INTS8: variants seen among roughly 807,000 people sequenced by gnomAD.
The protein encoded by INTS8 is protein kaonashi-1.
In INTS8, 47 loss-of-function variants were observed where a neutral mutation model predicts 138.9. The ratio of observed to expected loss-of-function variants is 0.34; its 90% CI spans 0.27 to 0.43. The LOEUF (loss-of-function observed/expected upper bound fraction) is 0.43. Ranked by LOEUF, INTS8 falls within the 20% of genes least tolerant of loss-of-function variation. INTS8 has a pLI of 1.00. For missense variants in INTS8, 996 were observed against 1,173.0 expected, an observed-to-expected ratio of 0.85 and a Z score of 2.20; for synonymous variants, 392 against 400.9, an observed-to-expected ratio of 0.98 and a Z score of 0.27.
At chr8:94,829,157 C>G (rs373244816) in intron 5 of INTS8, 131 bp downstream of exon 5, 13 of 649,038 alleles carry the variant, frequency 2.0e-5, no homozygotes, top group East Asian at 2.9e-5. Flanking sequence ...GTGTGGGGGG[C>G]GGGGGGCGAG....
At position 94,880,786 on chromosome 8, in the gene INTS8, A is replaced by G. The variant is rs552361596; in HGVS notation, c.*552A>G. ...AATTAAAAAAAAAAATTCCTTAGGG[A>G]TATCTTAGAGTAGTAAAGTGACTTC... On this transcript the variant is annotated 3_prime_UTR_variant, in exon 27 of 27. Coordinates refer to ENST00000523731, the MANE Select transcript of INTS8 (RefSeq NM_017864.4). 1.0e-5 allele frequency: 4 copies of G among 398,486 alleles called. No homozygotes were observed. In the South Asian group the frequency reaches 5.1e-4, roughly 51 times the overall value. 24.7% of individuals were successfully genotyped at this position (398,486 alleles called of 1,614,324 possible). A position where few individuals can be genotyped will look rare whatever the true frequency, so the allele number is the denominator to read the frequency against.
At chr8:94,862,798 T>G (rs1196138612) in intron 16 of INTS8, among the ~76,000 whole-genome samples, 1 of 152,102 alleles carries the variant, frequency 6.6e-6, no homozygotes, top group Non-Finnish European at 1.5e-5. Context: ...GATTGTGTTT[T>G]GAAAAAAATA....
chr8:94,838,353 C>T, intron 7 of INTS8, 110 bp from the exon 8 acceptor site: 1 of 904,012 alleles, frequency 1.1e-6, no homozygotes. Context: ...CCCAGCCCGG[C>T]TTGAATTTTT....
chr8:94,845,870 A>G (rs1310494218), intron 10 of INTS8, among the ~76,000 whole-genome samples: 1 of 152,172 alleles, frequency 6.6e-6, no homozygotes, highest in Non-Finnish European at 1.5e-5. Flanking sequence ...TTAGAAAGAA[A>G]TTATGTCTCT....
chr8:94,844,683 A>G (rs17359493), intron 10 of INTS8, among the ~76,000 whole-genome samples: 28,381 of 151,072 alleles, frequency 0.19, 2,793 homozygotes, highest in Middle Eastern at 0.28. Flanking sequence ...TAGGAGATCT[A>G]TATATATTCT....
chr8:94,845,589 A>T lies in INTS8; in HGVS notation c.1260+3101A>T, dbSNP rs534398278. On this transcript the variant is annotated intron_variant, in intron 10 of 26. Transcript: ENST00000523731. ...GTGACTCTTCTGTGTCAGCCTCCTG[A>T]GTAGCTGGGACTACAGGCACGCGCC... Among the ~76,000 whole-genome samples, 12 of 152,250 alleles carry T rather than the reference A, an allele frequency of 7.9e-5. No individual in the cohort carries two copies. In the South Asian group the frequency reaches 1.2e-3, roughly 16 times the overall value.
rs1440685725 is a variant in INTS8 at position 94,854,022 on chromosome 8, C to G, written c.1752+107C>G. The G allele has an allele frequency of 6.3e-6, 4 of 634,152 alleles. No homozygotes were observed. In the East Asian group the frequency reaches 1.1e-4, roughly 18 times the overall value. 39.3% of individuals were successfully genotyped at this position (634,152 alleles called of 1,614,324 possible). A position where few individuals can be genotyped will look rare whatever the true frequency, so the allele number is the denominator to read the frequency against. On this transcript the variant is annotated intron_variant, in intron 14 of 26. Coordinates refer to ENST00000523731, the MANE Select transcript of INTS8 (RefSeq NM_017864.4). Reference sequence around the variant, plus strand: ...CTTTGGGAGTCTGAGGTGGGCAGATCAACTGAGGTCAAGACCAGCCTGGCC... The same window carrying G: ...CTTTGGGAGTCTGAGGTGGGCAGATGAACTGAGGTCAAGACCAGCCTGGCC...
intron 12 of INTS8, among the ~76,000 whole-genome samples, chr8:94,850,611 CAAAAA>C (rs11313192): frequency 1.1e-5 from 1 of 93,226 alleles, no homozygotes; most frequent in Admixed American, 1.2e-4. Flanking sequence ...GACTCCGACT[CAAAAA>C]AAAAAAAAAA....
At chr8:94,825,661 T>G (rs1388868326) in intron 2 of INTS8, among the ~76,000 whole-genome samples, 1 of 152,120 alleles carries the variant, frequency 6.6e-6, no homozygotes, top group Non-Finnish European at 1.5e-5. Context: ...AATCACTATC[T>G]CCTATTAAAA....
Position 94,851,561 on chromosome 8 carries a change from A to G in INTS8, c.1516A>G (p.Ser506Gly). The G allele has an allele frequency of 3.8e-6, 6 of 1,570,702 alleles. No individual in the cohort carries two copies. Among genetic ancestry groups the G allele is most frequent in the Non-Finnish European group, 4.3e-6 (5 of 1,163,940 alleles). The change falls in exon 13 of 27, where the codon AGT (serine) becomes GGT (glycine). Residue 506 changes from serine (S) to glycine (G), a missense_variant. Physicochemically the swap from Ser to Gly is moderately conservative, Grantham distance 56. Coordinates refer to ENST00000523731, the MANE Select transcript of INTS8 (RefSeq NM_017864.4). ...TATAAATCTTTTTTTAGCTTCAGCA[A>G]GTGTCAACATTGGTCAGTTAGAGCA... is the stretch of plus-strand genomic sequence containing the variant. ...TSFYDIPASASVNIGQLEHQL... is the reference protein window; with the variant it reads ...TSFYDIPASAGVNIGQLEHQL...
chr8:94,828,353 C>A (rs1446101982), intron 4 of INTS8, among the ~76,000 whole-genome samples: 1 of 152,080 alleles, frequency 6.6e-6, no homozygotes, highest in African/African-American at 2.4e-5. Context: ...ATATTTTTTT[C>A]ATTTAATTAA....
intron 20 of INTS8, among the ~76,000 whole-genome samples, chr8:94,869,419 C>T (rs1816305987): frequency 6.6e-6 from 1 of 152,052 alleles, no homozygotes; most frequent in South Asian, 2.1e-4. Context: ...CTCCACCTTC[C>T]AGGTTTGAGC....
At chr8:94,846,109 T>C (rs370082525) in intron 10 of INTS8, among the ~76,000 whole-genome samples, 14 of 152,222 alleles carry the variant, frequency 9.2e-5, no homozygotes, top group African/African-American at 3.4e-4. Context: ...AAATAGTTTA[T>C]GCATTGATAC....
intron 12 of INTS8, 88 bp from the exon 13 acceptor site, chr8:94,851,465 A>G (rs923709811): frequency 2.3e-6 from 2 of 878,402 alleles, no homozygotes; most frequent in African/African-American, 1.8e-5. Flanking sequence ...TAATTTATAG[A>G]TATAATACAA....
At chr8:94,834,409 C>T (rs950358822) in intron 6 of INTS8, among the ~76,000 whole-genome samples, 2 of 146,320 alleles carry the variant, frequency 1.4e-5, no homozygotes, top group African/African-American at 5.1e-5. Context: ...ATTTTTTGCT[C>T]TTTTAGTATC....
intron 8 of INTS8, 49 bp downstream of exon 8, chr8:94,838,667 C>T: frequency 6.6e-7 from 1 of 1,516,860 alleles, no homozygotes; most frequent in Non-Finnish European, 9.1e-7. Flanking sequence ...CCAGACAAAA[C>T]TAAGTTCAAA....
intron 9 of INTS8, 134 bp from the exon 10 acceptor site, chr8:94,842,213 A>T (rs1286009331): frequency 1.4e-5 from 7 of 492,942 alleles, no homozygotes; most frequent in Non-Finnish European, 2.4e-5. Context: ...GTATATATTT[A>T]TTGGTATGCT....
intron 22 of INTS8, chr8:94,873,692 C>T: frequency 4.2e-6 from 2 of 480,620 alleles, no homozygotes; most frequent in Non-Finnish European, 3.7e-6. Flanking sequence ...TCAACTTGTC[C>T]AAACTGATTT....
At chr8:94,832,238 C>T (rs925561757) in intron 6 of INTS8, 64 bp downstream of exon 6, 4 of 1,148,740 alleles carry the variant, frequency 3.5e-6, no homozygotes, top group Non-Finnish European at 3.8e-6. Context: ...TGAGATCATC[C>T]TCCTATTTTT....
Sources: allele counts gnomAD v4.1 joint callset (sites outside exome capture counted in the v4.1 genomes callset), GRCh38; gene constraint gnomAD v4.1.1; transcripts MANE v1.5; gene names NCBI Gene and HGNC (gene_info 2026-07-23, HGNC 2026-07-21).